ANO10: variants seen among roughly 807,000 people sequenced by gnomAD.
ANO10 encodes the protein anoctamin-10.
A neutral mutation model predicts 74.7 loss-of-function variants in ANO10; 77 were observed. The observed-to-expected ratio is 1.03, with a 90% CI of 0.86 to 1.25. The LOEUF (loss-of-function observed/expected upper bound fraction) is 1.25, where lower values mean the gene tolerates loss of function less well. Ranked by LOEUF, ANO10 falls within the 50% of genes most tolerant of loss-of-function variation. ANO10 has a pLI of 0.00. For missense variants in ANO10, 721 were observed against 778.1 expected, an observed-to-expected ratio of 0.93 and a Z score of 0.87; for synonymous variants, 279 against 284.9, an observed-to-expected ratio of 0.98 and a Z score of 0.21.
intron 11 of ANO10, among the ~76,000 whole-genome samples, chr3:43,439,622 A>G (rs1001489029): frequency 6.6e-6 from 1 of 152,124 alleles, no homozygotes; most frequent in Non-Finnish European, 1.5e-5. Context: ...TACTATGCCT[A>G]TAATTCCAGC....
At chr3:43,541,429 G>T (rs1228786770) in intron 11 of ANO10, among the ~76,000 whole-genome samples, 1 of 152,166 alleles carries the variant, frequency 6.6e-6, no homozygotes, top group Non-Finnish European at 1.5e-5. Context: ...GCCAGGATTT[G>T]AACCCAGAAC....
chr3:43,438,605 G>A (rs1575804790), intron 11 of ANO10, among the ~76,000 whole-genome samples: 1 of 152,084 alleles, frequency 6.6e-6, no homozygotes, highest in East Asian at 1.9e-4. Context: ...AATTTAGCTG[G>A]GCGTGGTGGC....
chr3:43,541,787 G>A (rs1295439624), intron 11 of ANO10, among the ~76,000 whole-genome samples: 1 of 152,180 alleles, frequency 6.6e-6, no homozygotes. Context: ...CAGGAAGCTC[G>A]ATCTGGTAAT....
chr3:43,503,644 T>C (rs1430377920), intron 11 of ANO10, among the ~76,000 whole-genome samples: 1 of 152,222 alleles, frequency 6.6e-6, no homozygotes, highest in Non-Finnish European at 1.5e-5. Flanking sequence ...AAAAACGAAT[T>C]TACTCATGTG....
At chr3:43,449,515 C>CTTTTTTTTTTTTTTTTTT (rs61265406) in intron 11 of ANO10, among the ~76,000 whole-genome samples, 10 of 107,134 alleles carry the variant, frequency 9.3e-5, no homozygotes, top group Non-Finnish European at 1.6e-4. Flanking sequence ...TATCTAGATT[C>CTTTTTTTTTTTTTTTTTT]TTTTTTTTTT....
At chr3:43,382,468 G>A (rs1317477716) in intron 12 of ANO10, among the ~76,000 whole-genome samples, 1 of 149,878 alleles carries the variant, frequency 6.7e-6, no homozygotes, top group African/African-American at 2.5e-5. Flanking sequence ...GCAGTGAGCC[G>A]AGATCGCGCC....
At chr3:43,485,579 G>C in intron 11 of ANO10, 1 of 219,508 alleles carries the variant, frequency 4.6e-6, no homozygotes, top group Admixed American at 5.3e-5. Context: ...CCACCATCTT[G>C]GAAGCAGCCC....
At chr3:43,406,362 T>C (rs1559514518) in intron 12 of ANO10, among the ~76,000 whole-genome samples, 1 of 152,242 alleles carries the variant, frequency 6.6e-6, no homozygotes, top group South Asian at 2.1e-4. Flanking sequence ...TCAGCTCATT[T>C]ACAAAACATC....
chr3:43,431,247 A>AT, intron 12 of ANO10, among the ~76,000 whole-genome samples: 1 of 151,450 alleles, frequency 6.6e-6, no homozygotes, highest in East Asian at 1.9e-4. Context: ...TAATTTTTGT[A>AT]TTTTTTGTAG....
intron 11 of ANO10, among the ~76,000 whole-genome samples, chr3:43,538,919 A>G (rs1267848459): frequency 6.6e-6 from 1 of 152,232 alleles, no homozygotes; most frequent in African/African-American, 2.4e-5. Flanking sequence ...TTTAGAGATC[A>G]CTGGAATGGC....
rs1259200489 is a variant in ANO10, at chr3:43,544,803, A to T, written c.1797+4917T>A. On this transcript the variant is annotated intron_variant, in intron 11 of 12. Coordinates refer to ENST00000292246, the MANE Select transcript of ANO10 (RefSeq NM_018075.5). ...GCAAGACTCTGTCTGAAATAAAAAA[A>T]AAAAAAAAAAAAAAGAATCAGAAAC... is the stretch of plus-strand genomic sequence containing the variant. Among the ~76,000 whole-genome samples the T allele has an allele frequency of 8.6e-5, 13 of 151,710 alleles. No homozygotes were observed. In the East Asian group the frequency reaches 2.5e-3, roughly 29 times the overall value.
chr3:43,406,010 A>C (rs552497472), intron 12 of ANO10, among the ~76,000 whole-genome samples: 1 of 152,342 alleles, frequency 6.6e-6, no homozygotes, highest in African/African-American at 2.4e-5. Context: ...GTGAAAAGGA[A>C]GGGGAAAAAA....
chr3:43,630,514 T>C (rs1366173494), intron 1 of ANO10, among the ~76,000 whole-genome samples: 10 of 152,120 alleles, frequency 6.6e-5, no homozygotes, highest in Non-Finnish European at 4.4e-5. Context: ...GTTTAGAATG[T>C]TAAGGTGCAG....
At chr3:43,568,019 G>C (rs895071265) in intron 7 of ANO10, among the ~76,000 whole-genome samples, 1 of 151,652 alleles carries the variant, frequency 6.6e-6, no homozygotes, top group African/African-American at 2.4e-5. Context: ...ACAAAAAAAG[G>C]CAGGGGTTGC....
chr3:43,450,728 C>T (rs1467808654), intron 11 of ANO10, among the ~76,000 whole-genome samples: 3 of 152,076 alleles, frequency 2.0e-5, no homozygotes, highest in Non-Finnish European at 2.9e-5. Flanking sequence ...GAACTAAAGC[C>T]ATAAGAAAGG....
chr3:43,370,987 G>A (rs73831280), intron 12 of ANO10, among the ~76,000 whole-genome samples: 3,947 of 152,190 alleles, frequency 0.026, 176 homozygotes, highest in African/African-American at 0.087. Flanking sequence ...TGGACACCAC[G>A]GACCTCAAAT....
chr3:43,690,919 C>T, intron 1 of ANO10: 1 of 1,485,770 alleles, frequency 6.7e-7, no homozygotes, highest in Non-Finnish European at 8.9e-7. Context: ...TTAAGTGCCG[C>T]GCCAGCCCGG....
intron 12 of ANO10, 28 bp from the exon 13 acceptor site, chr3:43,367,002 G>A (rs762148327): frequency 1.3e-6 from 2 of 1,579,352 alleles, no homozygotes; most frequent in East Asian, 4.6e-5. Flanking sequence ...GACACCAGGT[G>A]AGCCACAGAA....
At chr3:43,684,629 C>G (rs1309460988) in intron 1 of ANO10, among the ~76,000 whole-genome samples, 1 of 152,124 alleles carries the variant, frequency 6.6e-6, no homozygotes. Flanking sequence ...GACACATGCA[C>G]ACGTATGTTT....
Sources: allele counts gnomAD v4.1 joint callset (sites outside exome capture counted in the v4.1 genomes callset), GRCh38; gene constraint gnomAD v4.1.1; transcripts MANE v1.5; gene names NCBI Gene and HGNC (gene_info 2026-07-23, HGNC 2026-07-21).